EXT2: variants seen among roughly 807,000 people sequenced by gnomAD.
EXT2 encodes the protein exostosin glycosyltransferase 2, also known as exostosin-2.
A neutral mutation model predicts 81.6 loss-of-function variants in EXT2; 53 were observed. That is an observed-to-expected ratio of 0.65 (90% confidence interval 0.52 to 0.82). The LOEUF is 0.82. Ranked by LOEUF, EXT2 falls within the 40% of genes least tolerant of loss-of-function variation. The pLI, the probability that EXT2 is intolerant of heterozygous loss-of-function variation, is 0.00. For missense variants in EXT2, 774 were observed against 910.2 expected, an observed-to-expected ratio of 0.85 and a Z score of 1.93; for synonymous variants, 320 against 340.0, an observed-to-expected ratio of 0.94 and a Z score of 0.65.
chr11:44,229,392 G>C (rs900754876), intron 10 of EXT2, among the ~76,000 whole-genome samples: 1 of 152,248 alleles, frequency 6.6e-6, no homozygotes, highest in Non-Finnish European at 1.5e-5. Flanking sequence ...CAGCTATTAT[G>C]ACGATGCCTG....
At chr11:44,174,895 A>G (rs986609352) in intron 8 of EXT2, among the ~76,000 whole-genome samples, 3 of 152,192 alleles carry the variant, frequency 2.0e-5, no homozygotes, top group Non-Finnish European at 2.9e-5. Flanking sequence ...AAGGAACTTC[A>G]GAGAGTTCAG....
Position 44,119,167 on chromosome 11 carries a change from TATAC to T in EXT2, c.743+4868_743+4871del, listed in dbSNP as rs1296500700. On this transcript the variant is annotated intron_variant, in intron 4 of 13. Coordinates refer to ENST00000533608, the MANE Select transcript of EXT2 (RefSeq NM_207122.2). ...ATATATATATATATATATATATATA[TATAC>T]ACATACACACACACACACACACATT... 3.9e-4 allele frequency among the ~76,000 whole-genome samples: 17 copies of T among 44,090 alleles called. 1 individual carries two copies. The highest frequency in any genetic ancestry group is 1.1e-3 in the African/African-American group (17 of 15,812). 28.9% of individuals were successfully genotyped at this position (44,090 alleles called of 152,430 possible). A position where few individuals can be genotyped will look rare whatever the true frequency, so the allele number is the denominator to read the frequency against.
At position 44,244,284 on chromosome 11, in the gene EXT2, A is replaced by G. The variant is rs754014267; in HGVS notation, c.2154A>G (p.Leu718=). 3 of 1,613,982 alleles carry G rather than the reference A, an allele frequency of 1.9e-6. No homozygotes were observed. Among genetic ancestry groups the G allele is most frequent in the East Asian group, 2.2e-5 (1 of 44,872 alleles). ...AGAGCTTCCCCAACATTGGCAGCTT[A>G]TGAAACGTGTCATTGGTGGAGGTCT... The part of the protein sequence containing the change: ...KLKSFPNIGS[L] Residue 718 remains leucine, a synonymous_variant, in exon 14 of 14, where the codon TTA becomes TTG. Coordinates refer to ENST00000533608, the MANE Select transcript of EXT2 (RefSeq NM_207122.2).
intron 10 of EXT2, among the ~76,000 whole-genome samples, chr11:44,213,836 C>T (rs1334694554): frequency 6.6e-6 from 1 of 152,094 alleles, no homozygotes; most frequent in Non-Finnish European, 1.5e-5. Flanking sequence ...CTAAAAACGT[C>T]CCAAATTAGC....
At chr11:44,237,469 T>G (rs890582150) in intron 13 of EXT2, among the ~76,000 whole-genome samples, 2 of 152,188 alleles carry the variant, frequency 1.3e-5, no homozygotes, top group Admixed American at 6.5e-5. Flanking sequence ...CATAAGTATT[T>G]CACAGTTAAG....
intron 9 of EXT2, among the ~76,000 whole-genome samples, chr11:44,200,029 T>A (rs938052578): frequency 2.6e-5 from 4 of 152,110 alleles, no homozygotes; most frequent in African/African-American, 9.7e-5. Context: ...GGGGAGAACA[T>A]GAACCATGTT....
chr11:44,238,711 G>A (rs1471219362), intron 13 of EXT2, among the ~76,000 whole-genome samples: 1 of 152,198 alleles, frequency 6.6e-6, no homozygotes, highest in Non-Finnish European at 1.5e-5. Flanking sequence ...GACACTTGAA[G>A]TGATCCTTCA....
intron 10 of EXT2, among the ~76,000 whole-genome samples, chr11:44,218,923 G>A (rs375564166): frequency 1.3e-4 from 18 of 143,820 alleles, no homozygotes; most frequent in Admixed American, 2.9e-4. Context: ...CCAGCCTCCC[G>A]AGTAGCTGGG....
intron 9 of EXT2, among the ~76,000 whole-genome samples, chr11:44,203,154 C>G (rs1436023428): frequency 6.6e-6 from 1 of 152,208 alleles, no homozygotes; most frequent in Non-Finnish European, 1.5e-5. Context: ...GAACAATTCC[C>G]TTTTCATTCG....
chr11:44,163,667 C>T (rs1344058394), intron 7 of EXT2, among the ~76,000 whole-genome samples: 3 of 152,226 alleles, frequency 2.0e-5, no homozygotes, highest in African/African-American at 4.8e-5. Flanking sequence ...TCCAGCTGTT[C>T]ACCTGAAATA....
chr11:44,136,132 A>T (rs918848738), intron 7 of EXT2, among the ~76,000 whole-genome samples: 1 of 152,174 alleles, frequency 6.6e-6, no homozygotes, highest in African/African-American at 2.4e-5. Flanking sequence ...GATGTCTAGA[A>T]ACCTTAGCAA....
At chr11:44,155,700 T>A (rs923879973) in intron 7 of EXT2, among the ~76,000 whole-genome samples, 3 of 152,192 alleles carry the variant, frequency 2.0e-5, no homozygotes, top group African/African-American at 7.2e-5. Context: ...GCCTATGTCT[T>A]GAAAAGTTGT....
chr11:44,230,921 T>G (rs1415689965), intron 10 of EXT2, among the ~76,000 whole-genome samples: 3 of 152,128 alleles, frequency 2.0e-5, no homozygotes, highest in African/African-American at 7.2e-5. Context: ...GCAACACTTG[T>G]GTGTTGGGGA....
chr11:44,118,352 A>G (rs1432811573), intron 4 of EXT2, among the ~76,000 whole-genome samples: 6 of 152,042 alleles, frequency 3.9e-5, no homozygotes, highest in African/African-American at 1.4e-4. Flanking sequence ...TTGTGACATC[A>G]TTTATCTTCA....
intron 7 of EXT2, among the ~76,000 whole-genome samples, chr11:44,151,394 C>T (rs1954789576): frequency 2.0e-5 from 3 of 152,074 alleles, no homozygotes; most frequent in Non-Finnish European, 4.4e-5. Flanking sequence ...GCTCCCTTCT[C>T]CCAACTCTCG....
At chr11:44,114,353 T>A in intron 4 of EXT2, 52 bp downstream of exon 4, 1 of 1,528,860 alleles carries the variant, frequency 6.5e-7, no homozygotes, top group South Asian at 1.1e-5. Context: ...CTGTGAGATG[T>A]TGATGAGGTT....
chr11:44,219,824 A>G (rs190866173), intron 10 of EXT2, among the ~76,000 whole-genome samples: 1 of 152,364 alleles, frequency 6.6e-6, no homozygotes, highest in East Asian at 1.9e-4. Flanking sequence ...GGCATCCCTA[A>G]CAGAGGAACC....
intron 7 of EXT2, among the ~76,000 whole-genome samples, chr11:44,163,290 A>G (rs976770487): frequency 2.6e-5 from 4 of 152,252 alleles, no homozygotes; most frequent in African/African-American, 9.6e-5. Context: ...CAGTAATTCT[A>G]AACTAAAAGT....
At chr11:44,204,732 A>G (rs1955562292) in intron 9 of EXT2, among the ~76,000 whole-genome samples, 1 of 152,184 alleles carries the variant, frequency 6.6e-6, no homozygotes, top group South Asian at 2.1e-4. Context: ...GCCCCTTACG[A>G]GAATCTAATG....
Sources: allele counts gnomAD v4.1 joint callset (sites outside exome capture counted in the v4.1 genomes callset), GRCh38; gene constraint gnomAD v4.1.1; transcripts MANE v1.5; gene names NCBI Gene and HGNC (gene_info 2026-07-23, HGNC 2026-07-21).